Variants in KAZN observed in about 807,000 individuals in gnomAD.
KAZN encodes the protein kazrin, periplakin interacting protein, also known as kazrin.
A neutral mutation model predicts 87.4 loss-of-function variants in KAZN; 40 were observed. The ratio of observed to expected loss-of-function variants is 0.46; its 90% CI spans 0.36 to 0.60. The LOEUF is 0.60. KAZN is among the 20% of genes least tolerant of loss of function. The pLI, the probability that KAZN is intolerant of heterozygous loss-of-function variation, is 0.00. For synonymous variants in KAZN, 466 were observed against 458.3 expected, an observed-to-expected ratio of 1.02 and a Z score of -0.22; for missense variants, 898 against 1,073.9, an observed-to-expected ratio of 0.84 and a Z score of 2.29.
chr1:14,657,488 C>G (rs1053599303), intron 1 of KAZN, among the ~76,000 whole-genome samples: 18 of 152,200 alleles, frequency 1.2e-4, no homozygotes, highest in African/African-American at 4.1e-4. Flanking sequence ...CCAGGTGATG[C>G]TGATGCTAGT....
chr1:15,105,561 G>GTT (rs60152207), intron 13 of KAZN, among the ~76,000 whole-genome samples: 1 of 143,498 alleles, frequency 7.0e-6, no homozygotes, highest in African/African-American at 2.6e-5. Context: ...TTTGAGTTTT[G>GTT]TTTTTTTTTT....
intron 1 of KAZN, among the ~76,000 whole-genome samples, chr1:14,147,710 C>A (rs1645382547): frequency 6.6e-6 from 1 of 151,756 alleles, no homozygotes; most frequent in South Asian, 2.1e-4. Flanking sequence ...GCAGGAGAAC[C>A]ACTTGAACCT....
At chr1:14,006,072 A>G (rs1220461710) in intron 1 of KAZN, among the ~76,000 whole-genome samples, 5 of 152,208 alleles carry the variant, frequency 3.3e-5, no homozygotes, top group African/African-American at 1.2e-4. Context: ...TCAGATATAC[A>G]TTACACAAAT....
At chr1:14,161,768 C>T (rs1184983760) in intron 1 of KAZN, among the ~76,000 whole-genome samples, 2 of 152,144 alleles carry the variant, frequency 1.3e-5, no homozygotes, top group African/African-American at 4.8e-5. Context: ...AAATATACTC[C>T]TTCCATCTCC....
intron 2 of KAZN, among the ~76,000 whole-genome samples, chr1:14,224,161 T>C (rs1647178940): frequency 6.6e-6 from 1 of 152,178 alleles, no homozygotes; most frequent in South Asian, 2.1e-4. Context: ...GATTTTTATG[T>C]GAAAGTCAGT....
intron 1 of KAZN, among the ~76,000 whole-genome samples, chr1:14,085,849 AC>A (rs1312521392): frequency 2.0e-5 from 3 of 152,170 alleles, no homozygotes; most frequent in African/African-American, 7.2e-5. Context: ...TTCCAGAGTG[AC>A]TAACATTTTG....
intron 2 of KAZN, among the ~76,000 whole-genome samples, chr1:14,546,166 G>A (rs1448869294): frequency 1.3e-5 from 2 of 152,188 alleles, no homozygotes; most frequent in Admixed American, 6.5e-5. Context: ...ATAGACTGCA[G>A]CAAAGCATAT....
intron 1 of KAZN, among the ~76,000 whole-genome samples, chr1:13,925,124 G>C (rs1640225097): frequency 6.6e-6 from 1 of 152,116 alleles, no homozygotes; most frequent in East Asian, 1.9e-4. Context: ...TCTGCTTTCT[G>C]TTTCTATGTA....
chr1:14,912,647 C>A (rs537495235), intron 1 of KAZN, among the ~76,000 whole-genome samples: 1 of 152,302 alleles, frequency 6.6e-6, no homozygotes, highest in African/African-American at 2.4e-5. Flanking sequence ...TCCCAAAGTG[C>A]TGGGATTATA....
At chr1:14,987,806 A>G (rs1666974325) in intron 2 of KAZN, among the ~76,000 whole-genome samples, 1 of 152,214 alleles carries the variant, frequency 6.6e-6, no homozygotes, top group South Asian at 2.1e-4. Flanking sequence ...GCAGTCCTCT[A>G]GCTGCTGCAT....
chr1:14,594,039 G>A (rs1420151370), upstream of KAZN, among the ~76,000 whole-genome samples: 1 of 152,186 alleles, frequency 6.6e-6, no homozygotes, highest in African/African-American at 2.4e-5. Flanking sequence ...TGTAAATAAG[G>A]AGGGCACTAG....
At chr1:14,725,301 C>T (rs1271008052) in intron 1 of KAZN, among the ~76,000 whole-genome samples, 1 of 152,204 alleles carries the variant, frequency 6.6e-6, no homozygotes, top group Admixed American at 6.5e-5. Flanking sequence ...TTCATCAGGG[C>T]AGCCTACCTG....
At chr1:14,371,152 A>C (rs948210385) in intron 2 of KAZN, among the ~76,000 whole-genome samples, 7 of 152,176 alleles carry the variant, frequency 4.6e-5, no homozygotes, top group African/African-American at 1.7e-4. Flanking sequence ...GCCCCATCTC[A>C]GAGTTCCAGG....
chr1:14,602,606 T>A (rs1365251503), intron 1 of KAZN, among the ~76,000 whole-genome samples: 1 of 152,258 alleles, frequency 6.6e-6, no homozygotes, highest in Non-Finnish European at 1.5e-5. Flanking sequence ...AAAATGTGTT[T>A]AAAATGCTTG....
At chr1:14,661,431 C>A (rs568155591) in intron 1 of KAZN, among the ~76,000 whole-genome samples, 1 of 152,078 alleles carries the variant, frequency 6.6e-6, no homozygotes, top group East Asian at 1.9e-4. Flanking sequence ...CAGATAGTAA[C>A]TATTTTAGGC....
At chr1:13,937,132 T>C (rs954982613) in intron 1 of KAZN, among the ~76,000 whole-genome samples, 1 of 151,848 alleles carries the variant, frequency 6.6e-6, no homozygotes, top group Non-Finnish European at 1.5e-5. Context: ...CCATTACCTC[T>C]GCCTCCTGGG....
intron 1 of KAZN, among the ~76,000 whole-genome samples, chr1:14,959,991 C>T (rs973215772): frequency 2.0e-5 from 3 of 152,190 alleles, no homozygotes; most frequent in Non-Finnish European, 4.4e-5. Context: ...GCTGCAGAAA[C>T]CTCTGCCCAC....
chr1:14,678,504 C>T (rs1242967276), intron 1 of KAZN, among the ~76,000 whole-genome samples: 3 of 152,312 alleles, frequency 2.0e-5, no homozygotes, highest in Middle Eastern at 3.4e-3. Context: ...AGCTTGCAGG[C>T]GGCCTATCGT....
At chr1:15,112,599 T>TTCTTCTCCCAGCGGCAGGTCTTTTTTA in intron 14 of KAZN, 58 bp downstream of exon 14, 4 of 1,245,834 alleles carry the variant, frequency 3.2e-6, no homozygotes, top group South Asian at 1.3e-5. Context: ...GGTCTTTTTT[T>TTCTTCTCCCAGCGGCAGGTCTTTTTTA]CTCCTCCCGG....
Sources: allele counts gnomAD v4.1 joint callset (sites outside exome capture counted in the v4.1 genomes callset), GRCh38; gene constraint gnomAD v4.1.1; transcripts MANE v1.5; gene names NCBI Gene and HGNC (gene_info 2026-07-23, HGNC 2026-07-21).